Variants in HSPA14 observed in about 807,000 individuals in gnomAD.
The protein encoded by HSPA14 is heat shock 70 kDa protein 14.
In HSPA14, 37 loss-of-function variants were observed where a neutral mutation model predicts 65.5. The ratio of observed to expected loss-of-function variants is 0.56; its 90% CI spans 0.43 to 0.74. HSPA14 has a LOEUF of 0.74. Ranked by LOEUF, HSPA14 falls within the 30% of genes least tolerant of loss-of-function variation. The pLI is 0.00. For missense variants in HSPA14, 564 were observed against 607.6 expected, an observed-to-expected ratio of 0.93 and a Z score of 0.75; for synonymous variants, 203 against 214.2, an observed-to-expected ratio of 0.95 and a Z score of 0.46.
intron 12 of HSPA14, 131 bp from the exon 13 acceptor site, chr10:14,870,466 A>T (rs1373053467): frequency 2.0e-6 from 2 of 988,486 alleles, no homozygotes; most frequent in East Asian, 6.3e-5. Flanking sequence ...TGGTAGGAGA[A>T]TTGAAAACTG....
chr10:14,849,900 C>A, intron 6 of HSPA14, 89 bp downstream of exon 6: 2 of 741,014 alleles, frequency 2.7e-6, no homozygotes, highest in Admixed American at 2.7e-5. Flanking sequence ...TTTAAAGTAC[C>A]TTAGGCGATA....
At chr10:14,851,840 C>T (rs1834110794) in intron 7 of HSPA14, among the ~76,000 whole-genome samples, 1 of 152,178 alleles carries the variant, frequency 6.6e-6, no homozygotes, top group African/African-American at 2.4e-5. Context: ...GTTAATTTTA[C>T]ATAATTGTTT....
Position 14,842,377 on chromosome 10 carries a change from G to A in HSPA14, c.221+2220G>A. ...TACTAGGCGAGGCAGAGTATATTCA[G>A]CGCCTCCAGACTGTGCATCACAATG... On this transcript the variant is annotated intron_variant, in intron 3 of 13. Coordinates refer to ENST00000378372, the MANE Select transcript of HSPA14 (RefSeq NM_016299.4). The surrounding 1 kb of genome is among the most constrained non-coding windows in gnomAD (Gnocchi z 5.2). 1 of 1,536,160 alleles carries A rather than the reference G, an allele frequency of 6.5e-7. No homozygotes were observed. Among genetic ancestry groups the A allele is most frequent in the Non-Finnish European group, 8.7e-7 (1 of 1,146,916 alleles).
chr10:14,853,837 A>G (rs1175096805), intron 8 of HSPA14, among the ~76,000 whole-genome samples: 1 of 152,134 alleles, frequency 6.6e-6, no homozygotes, highest in Non-Finnish European at 1.5e-5. Flanking sequence ...CTTCTGCCTC[A>G]GCCTCCCAAG....
chr10:14,861,687 C>G (rs981172138), intron 10 of HSPA14, among the ~76,000 whole-genome samples: 1 of 152,014 alleles, frequency 6.6e-6, no homozygotes, highest in South Asian at 2.1e-4. Context: ...AGACTTTTAC[C>G]AACAAACATT....
At chr10:14,864,772 C>T (rs1282537821) in intron 10 of HSPA14, among the ~76,000 whole-genome samples, 1 of 152,192 alleles carries the variant, frequency 6.6e-6, no homozygotes, top group African/African-American at 2.4e-5. Flanking sequence ...GTGAATAGTA[C>T]CGCAATGAAC....
chr10:14,838,398 G>T lies in HSPA14; in HGVS notation c.-5G>T. 6.2e-7 allele frequency: 1 copy of T among 1,603,208 alleles called. No homozygotes were observed. On this transcript the variant is annotated 5_prime_UTR_variant, in exon 1 of 14. Coordinates refer to ENST00000378372, the MANE Select transcript of HSPA14 (RefSeq NM_016299.4). Reference sequence around the variant, plus strand: ...CATTCCTGCCGCTGCCGTCCCTGCTGCCTCATGGCGGCCATCGGAGTTCAC... The same window carrying T: ...CATTCCTGCCGCTGCCGTCCCTGCTTCCTCATGGCGGCCATCGGAGTTCAC...
Position 14,840,170 on chromosome 10 carries a change from A to G in HSPA14, c.221+13A>G, listed in dbSNP as rs1833955142. On this transcript the variant is annotated intron_variant, in intron 3 of 13. Coordinates refer to ENST00000378372, the MANE Select transcript of HSPA14 (RefSeq NM_016299.4). ...TCCTGGGCAGAAGGTATGGAATCAA[A>G]TGATACTTTTAAATATGGTAATAGG... The G allele has an allele frequency of 7.8e-7, 1 of 1,282,330 alleles. No individual in the cohort carries two copies. The highest frequency in any genetic ancestry group is 1.1e-6 in the Non-Finnish European group (1 of 943,438). 79.4% of individuals were successfully genotyped at this position (1,282,330 alleles called of 1,614,324 possible). A position where few individuals can be genotyped will look rare whatever the true frequency, so the allele number is the denominator to read the frequency against.
At chr10:14,839,248 C>T (rs1316410000) in intron 1 of HSPA14, among the ~76,000 whole-genome samples, 2 of 152,254 alleles carry the variant, frequency 1.3e-5, no homozygotes, top group South Asian at 2.1e-4. Context: ...TAGGAAAAGC[C>T]AAAGGGAATA....
In HSPA14 at chr10:14,867,072, T is replaced by C; in HGVS notation, c.994-11T>C. 1 of 1,592,116 alleles carries C rather than the reference T, an allele frequency of 6.3e-7. No individual in the cohort carries two copies. Among genetic ancestry groups the C allele is most frequent in the South Asian group, 1.1e-5 (1 of 90,424 alleles). Reference sequence around the variant, plus strand: ...AAAAGTAAACAACTGAAAATTATTTTTATTCTCTAGGTTGTCCTTTGTGGA... The same window carrying C: ...AAAAGTAAACAACTGAAAATTATTTCTATTCTCTAGGTTGTCCTTTGTGGA... On this transcript the variant is annotated splice_polypyrimidine_tract_variant and intron_variant, in intron 10 of 13. Transcript: ENST00000378372.
chr10:14,855,494 G>A (rs1009708083), intron 9 of HSPA14, among the ~76,000 whole-genome samples: 3 of 152,132 alleles, frequency 2.0e-5, no homozygotes, highest in African/African-American at 7.2e-5. Flanking sequence ...GGGTCAGTAG[G>A]TTTATTGTTG....
At chr10:14,846,315 C>T in intron 3 of HSPA14, 2 of 985,316 alleles carry the variant, frequency 2.0e-6, no homozygotes, top group African/African-American at 1.7e-5. Context: ...TTAATGGTAG[C>T]AAAGTGCATA....
intron 10 of HSPA14, among the ~76,000 whole-genome samples, chr10:14,860,297 G>A (rs534579329): frequency 2.0e-5 from 3 of 152,194 alleles, no homozygotes; most frequent in Admixed American, 6.5e-5. Flanking sequence ...CCTATTCTAC[G>A]CTAGGCAGAT....
intron 3 of HSPA14, among the ~76,000 whole-genome samples, chr10:14,847,189 GT>G (rs780801558): frequency 2.0e-5 from 3 of 152,102 alleles, no homozygotes; most frequent in African/African-American, 4.8e-5. Context: ...TTTCTTAAGA[GT>G]TCTGTAAATT....
chr10:14,853,323 A>G (rs754176407), intron 8 of HSPA14, among the ~76,000 whole-genome samples: 1 of 152,214 alleles, frequency 6.6e-6, no homozygotes, highest in African/African-American at 2.4e-5. Context: ...GTATGTGTCA[A>G]ATTTTTTTGA....
intron 7 of HSPA14, among the ~76,000 whole-genome samples, chr10:14,852,075 T>G: frequency 6.6e-6 from 1 of 152,244 alleles, no homozygotes; most frequent in East Asian, 1.9e-4. Flanking sequence ...CTCTTAAAAT[T>G]CACTATAATC....
chr10:14,867,733 T>C lies in HSPA14; in HGVS notation c.1207-3T>C. On this transcript the variant is annotated splice_polypyrimidine_tract_variant and splice_region_variant and intron_variant, in intron 11 of 13. Transcript: ENST00000378372. The stretch of plus-strand genomic sequence containing the variant: ...AGTATGCACCTTGTTTCCTGCTAAC[T>C]AGGGTGTGGACGAATCAGGAGCCAG... 6.2e-7 allele frequency: 1 copy of C among 1,610,472 alleles called. No homozygotes were observed.
At chr10:14,839,502 T>G (rs1296113870) in intron 1 of HSPA14, among the ~76,000 whole-genome samples, 1 of 151,844 alleles carries the variant, frequency 6.6e-6, no homozygotes, top group Non-Finnish European at 1.5e-5. Context: ...GAGGCGGAAG[T>G]TGCAGTGAGC....
intron 10 of HSPA14, among the ~76,000 whole-genome samples, chr10:14,859,183 T>C (rs978799051): frequency 1.3e-5 from 2 of 152,142 alleles, no homozygotes; most frequent in Non-Finnish European, 2.9e-5. Context: ...CACTATGTGT[T>C]GACGACCTCC....
Sources: gnomAD v4.1 joint callset for allele counts (sites outside exome capture counted in the v4.1 genomes callset) on GRCh38, gnomAD v4.1.1 for gene constraint, Gnocchi (gnomAD v3.1) non-coding constraint, MANE v1.5 for transcripts, NCBI Gene and HGNC (gene_info 2026-07-23, HGNC 2026-07-21) for gene names.